EXT1: variants seen among roughly 807,000 people sequenced by gnomAD.
The protein encoded by EXT1 is exostosin-1.
Under a neutral mutation model 82.5 loss-of-function variants are expected in EXT1, and 20 were observed. That is an observed-to-expected ratio of 0.24 (90% CI 0.17 to 0.35). EXT1 has a LOEUF of 0.35. EXT1 is among the 10% of genes least tolerant of loss of function. The pLI is 1.00. For missense variants in EXT1, 757 were observed against 936.5 expected (o/e 0.81, Z 2.50); for synonymous variants, 348 against 350.8 (o/e 0.99, Z 0.09).
At chr8:117,939,589 AAAAG>A (rs941342281) in intron 1 of EXT1, among the ~76,000 whole-genome samples, 10 of 151,922 alleles carry the variant, frequency 6.6e-5, no homozygotes, top group Admixed American at 6.6e-5. Context: ...AAAAAAAAGA[AAAAG>A]AAAAAAGAAT....
At chr8:117,931,308 A>G (rs962548806) in intron 1 of EXT1, among the ~76,000 whole-genome samples, 3 of 152,194 alleles carry the variant, frequency 2.0e-5, no homozygotes, top group Non-Finnish European at 2.9e-5. Flanking sequence ...ACATGGATAC[A>G]TTTCCTGTAT....
At chr8:117,823,795 T>C (rs772356916) in intron 4 of EXT1, among the ~76,000 whole-genome samples, 1 of 152,198 alleles carries the variant, frequency 6.6e-6, no homozygotes, top group Non-Finnish European at 1.5e-5. Context: ...AGTTCAATGA[T>C]TTCTGCATCT....
chr8:118,101,951 G>GA (rs757754252), intron 1 of EXT1, among the ~76,000 whole-genome samples: 1,520 of 134,530 alleles, frequency 0.011, 9 homozygotes, highest in Non-Finnish European at 0.014. Context: ...TTCTAATGAG[G>GA]AAAAAAAAAA....
At chr8:117,813,523 A>G (rs1008804846) in intron 7 of EXT1, among the ~76,000 whole-genome samples, 11 of 152,244 alleles carry the variant, frequency 7.2e-5, no homozygotes, top group Non-Finnish European at 1.5e-4. Context: ...CCAAGTGTGG[A>G]CACAAACCAC....
chr8:117,857,196 T>C (rs546756580), intron 1 of EXT1, among the ~76,000 whole-genome samples: 1 of 152,270 alleles, frequency 6.6e-6, no homozygotes, highest in African/African-American at 2.4e-5. Context: ...CTAATGGAGA[T>C]GTGTAAGATT....
chr8:117,832,253 G>A (rs965233536), intron 3 of EXT1, among the ~76,000 whole-genome samples: 1 of 152,126 alleles, frequency 6.6e-6, no homozygotes, highest in African/African-American at 2.4e-5. Context: ...AAGGCCGGGC[G>A]CGGTGGCTCA....
At chr8:117,859,806 A>C (rs530111877) in intron 1 of EXT1, among the ~76,000 whole-genome samples, 1 of 152,212 alleles carries the variant, frequency 6.6e-6, no homozygotes, top group African/African-American at 2.4e-5. Context: ...AAATGGTGGT[A>C]TGTATGTATA....
intron 1 of EXT1, among the ~76,000 whole-genome samples, chr8:117,844,001 T>C (rs1460541469): frequency 2.6e-5 from 4 of 152,098 alleles, no homozygotes; most frequent in Non-Finnish European, 5.9e-5. Context: ...GGGCTGTTTC[T>C]CTCCCATTCA....
intron 1 of EXT1, among the ~76,000 whole-genome samples, chr8:118,062,225 C>A (rs1472078165): frequency 6.6e-6 from 1 of 152,184 alleles, no homozygotes; most frequent in Non-Finnish European, 1.5e-5. Context: ...ATCATCGGAA[C>A]GTCTGCTAAA....
chr8:117,995,987 G>A (rs1815531179), intron 1 of EXT1, among the ~76,000 whole-genome samples: 1 of 152,178 alleles, frequency 6.6e-6, no homozygotes, highest in Admixed American at 6.5e-5. Flanking sequence ...TATGATTATA[G>A]CAATATTTCT....
intron 1 of EXT1, among the ~76,000 whole-genome samples, chr8:117,897,631 G>A (rs1428928712): frequency 1.8e-5 from 2 of 111,230 alleles, no homozygotes; most frequent in Non-Finnish European, 3.3e-5. Flanking sequence ...GTCTCGCTCT[G>A]TCGACCAGGC....
intron 1 of EXT1, among the ~76,000 whole-genome samples, chr8:117,990,223 C>T (rs1410680138): frequency 6.6e-6 from 1 of 152,174 alleles, no homozygotes; most frequent in African/African-American, 2.4e-5. Flanking sequence ...CCCTCTCTTC[C>T]TATAGAGAAA....
Position 118,111,306 on chromosome 8 carries a change from C to CA in EXT1, c.-261dup. 1 of 608,876 alleles carries CA rather than the reference C, an allele frequency of 1.6e-6. No homozygotes were observed. The highest frequency in any genetic ancestry group is 2.9e-6 in the Non-Finnish European group (1 of 344,792). The allele number at this position is 608,876 out of a possible 1,614,324, so 37.7% of individuals were successfully genotyped here. A position where few individuals can be genotyped will look rare whatever the true frequency, so the allele number is the denominator to read the frequency against. ...AGAGCGGGGCTGAATATCTCGCACC[C>CA]AGGGCGGGCGAGCAGCGGACTGTAA... is the stretch of plus-strand genomic sequence containing the variant. On this transcript the variant is annotated 5_prime_UTR_variant, in exon 1 of 11. An upstream open reading frame in the 5' UTR loses its in-frame stop. Coordinates refer to ENST00000378204, the MANE Select transcript of EXT1 (RefSeq NM_000127.3).
intron 8 of EXT1, among the ~76,000 whole-genome samples, chr8:117,810,295 A>C (rs904637381): frequency 1.3e-5 from 2 of 152,234 alleles, no homozygotes; most frequent in Non-Finnish European, 2.9e-5. Context: ...AAGTGAACCA[A>C]CATCTATTCA....
At chr8:118,050,608 G>A (rs919756660) in intron 1 of EXT1, among the ~76,000 whole-genome samples, 1 of 152,210 alleles carries the variant, frequency 6.6e-6, no homozygotes, top group African/African-American at 2.4e-5. Context: ...GCAGGAGAGT[G>A]GCCAGAGACA....
intron 1 of EXT1, among the ~76,000 whole-genome samples, chr8:118,088,997 A>C (rs1358523682): frequency 6.6e-6 from 1 of 152,228 alleles, no homozygotes; most frequent in Non-Finnish European, 1.5e-5. Flanking sequence ...TCTTGATTCA[A>C]GGAGAACGTG....
intron 1 of EXT1, among the ~76,000 whole-genome samples, chr8:117,963,834 C>T (rs1314161664): frequency 6.6e-6 from 1 of 152,126 alleles, no homozygotes; most frequent in African/African-American, 2.4e-5. Context: ...AAAAGAGTAA[C>T]ACCCTATCTC....
chr8:117,996,431 G>T (rs1815539954), intron 1 of EXT1, among the ~76,000 whole-genome samples: 2 of 152,184 alleles, frequency 1.3e-5, no homozygotes, highest in South Asian at 2.1e-4. Context: ...TGCCATATTG[G>T]TCAGTACAGA....
At chr8:117,907,131 C>A (rs1251583599) in intron 1 of EXT1, among the ~76,000 whole-genome samples, 3 of 152,226 alleles carry the variant, frequency 2.0e-5, no homozygotes, top group Non-Finnish European at 2.9e-5. Flanking sequence ...ATCCCCCAAA[C>A]AATTCTCAGA....
Sources: gnomAD v4.1 joint callset for allele counts (sites outside exome capture counted in the v4.1 genomes callset) on GRCh38, gnomAD v4.1.1 for gene constraint, MANE v1.5 for transcripts, NCBI Gene and HGNC (gene_info 2026-07-23, HGNC 2026-07-21) for gene names.